ZGRF1: variants seen among roughly 807,000 people sequenced by gnomAD.
ZGRF1 encodes the protein 5'-3' DNA helicase ZGRF1.
Under a neutral mutation model 203.5 loss-of-function variants are expected in ZGRF1, and 196 were observed. The observed-to-expected ratio is 0.96, with a 90% confidence interval of 0.86 to 1.08. The LOEUF is 1.08. Among genes scored for constraint, ZGRF1 ranks in the 50% least tolerant of loss-of-function variants. The pLI, the probability that ZGRF1 is intolerant of heterozygous loss-of-function variation, is 0.00. For synonymous variants in ZGRF1, 809 were observed against 841.3 expected (o/e 0.96, Z 0.66); for missense variants, 2,326 against 2,416.3 (o/e 0.96, Z 0.78).
At chr4:112,565,487 G>A (rs879076256) in intron 16 of ZGRF1, 2 of 653,994 alleles carry the variant, frequency 3.1e-6, no homozygotes, top group Non-Finnish European at 5.2e-6. Flanking sequence ...TGAACGTTAG[G>A]TATTTTTTTT....
At position 112,579,737 on chromosome 4, in the gene ZGRF1, G is replaced by C. The variant is rs1339243825; in HGVS notation, c.4438+1926C>G. Reference sequence around the variant, plus strand: ...CAAGGGACGTGAAGGACCTCTTCAAGGAGAACTACAAACCACTGCTCAATG... The same window carrying C: ...CAAGGGACGTGAAGGACCTCTTCAACGAGAACTACAAACCACTGCTCAATG... On this transcript the variant is annotated intron_variant, in intron 16 of 27. Coordinates refer to ENST00000505019, the MANE Select transcript of ZGRF1 (RefSeq NM_018392.5). 1.7e-5 allele frequency among the ~76,000 whole-genome samples: 2 copies of C among 120,610 alleles called. 1 individual carries two copies. The highest frequency in any genetic ancestry group is 4.9e-4 in the East Asian group (2 of 4,080). The allele number at this position is 120,610 out of a possible 152,430, so 79.1% of individuals were successfully genotyped here. A position where few individuals can be genotyped will look rare whatever the true frequency, so the allele number is the denominator to read the frequency against.
rs201425741 is a variant in ZGRF1, at chr4:112,618,919, C to A, written c.1123G>T (p.Val375Phe). 1.2e-6 allele frequency: 2 copies of A among 1,613,858 alleles called. No homozygotes were observed. The highest frequency in any genetic ancestry group is 1.3e-5 in the African/African-American group (1 of 75,032). Residue 375 changes from valine (V) to phenylalanine (F), a missense_variant, in exon 6 of 28, where the codon GTT becomes TTT. Coordinates refer to ENST00000505019, the MANE Select transcript of ZGRF1 (RefSeq NM_018392.5). ...DLSLQKIIQFVETYAEERKKY... is the reference protein window; with the variant it reads ...DLSLQKIIQFFETYAEERKKY... ...TTCCTCTCTTCAGCATACGTTTCAA[C>A]GAACTGTATAATTTTTTGTAATGAA... is the stretch of plus-strand genomic sequence containing the variant.
At chr4:112,570,769 T>G (rs1744062125) in intron 16 of ZGRF1, among the ~76,000 whole-genome samples, 1 of 151,704 alleles carries the variant, frequency 6.6e-6, no homozygotes, top group Non-Finnish European at 1.5e-5. Context: ...ATGGAAAACT[T>G]AAAACAAACT....
At chr4:112,609,098 G>A (rs1001896300) in intron 8 of ZGRF1, among the ~76,000 whole-genome samples, 16 of 150,750 alleles carry the variant, frequency 1.1e-4, no homozygotes, top group African/African-American at 3.7e-4. Flanking sequence ...CTGTCACCCA[G>A]GCTGGAGTGC....
chr4:112,548,471 G>T (rs1369839292), intron 22 of ZGRF1, 91 bp from the exon 23 acceptor site: 38 of 967,902 alleles, frequency 3.9e-5, no homozygotes, highest in Non-Finnish European at 5.7e-5. Context: ...TAAAATTAGA[G>T]AGTGAGCTAG....
intron 24 of ZGRF1, among the ~76,000 whole-genome samples, chr4:112,544,638 G>A (rs911843857): frequency 6.6e-6 from 1 of 152,174 alleles, no homozygotes; most frequent in Non-Finnish European, 1.5e-5. Flanking sequence ...AGATCTGAGA[G>A]AGTATCTGAC....
At chr4:112,635,369 T>C (rs2047563150) in intron 1 of ZGRF1, among the ~76,000 whole-genome samples, 1 of 151,970 alleles carries the variant, frequency 6.6e-6, no homozygotes, top group African/African-American at 2.4e-5. Context: ...TGCTACCATA[T>C]GCTAGAAACT....
chr4:112,622,791 A>G (rs904521933), intron 4 of ZGRF1, among the ~76,000 whole-genome samples: 12 of 152,278 alleles, frequency 7.9e-5, no homozygotes, highest in Middle Eastern at 6.8e-3. Context: ...GAGGAAAAAC[A>G]CAAACTATGT....
intron 3 of ZGRF1, among the ~76,000 whole-genome samples, chr4:112,630,906 C>T (rs890821469): frequency 7.3e-5 from 11 of 151,112 alleles, no homozygotes; most frequent in Non-Finnish European, 1.2e-4. Flanking sequence ...AAAAAAGAGA[C>T]GCAGTAGAAT....
Position 112,583,997 on chromosome 4 carries a change from C to T in ZGRF1, c.4279G>A (p.Glu1427Lys), listed in dbSNP as rs754829217. 5.6e-6 allele frequency: 9 copies of T among 1,601,592 alleles called. No homozygotes were observed. The Admixed American group carries it at 1.6e-4, about 28-fold the overall frequency. Residue 1427 changes from glutamate to lysine, a missense_variant, in exon 15 of 28, where the codon GAA becomes AAA. Glu to Lys is a moderately conservative substitution (Grantham distance 56). Coordinates refer to ENST00000505019, the MANE Select transcript of ZGRF1 (RefSeq NM_018392.5). ...ACATACCTCACCAAAAGCTGGCATTCCTCATAAAGTGGTATCTTTTGACTT... is the reference window on the plus strand; with the variant it reads ...ACATACCTCACCAAAAGCTGGCATTTCTCATAAAGTGGTATCTTTTGACTT... ...LRSQKIPLYE[E>K]CQLLVRKGFD...
chr4:112,592,439 T>C (rs1748339092), intron 10 of ZGRF1, among the ~76,000 whole-genome samples: 1 of 152,182 alleles, frequency 6.6e-6, no homozygotes, highest in Non-Finnish European at 1.5e-5. Flanking sequence ...TCTTACCCTA[T>C]TTCATTGAAA....
At chr4:112,542,327 T>A (rs925855716) in intron 24 of ZGRF1, among the ~76,000 whole-genome samples, 4 of 152,152 alleles carry the variant, frequency 2.6e-5, no homozygotes, top group African/African-American at 9.7e-5. Context: ...TTATGGTATA[T>A]CTGCACAACA....
chr4:112,628,919 T>A (rs2047321198), intron 3 of ZGRF1: 1 of 377,452 alleles, frequency 2.6e-6, no homozygotes. Context: ...AATGAATTAG[T>A]TTATGTATTT....
intron 22 of ZGRF1, among the ~76,000 whole-genome samples, chr4:112,551,208 T>C (rs573416259): frequency 1.3e-5 from 2 of 152,336 alleles, no homozygotes; most frequent in South Asian, 2.1e-4. Flanking sequence ...ACATGCTGTA[T>C]AGATTTGTAG....
At chr4:112,573,167 T>TGCACAC (rs1553987587) in intron 16 of ZGRF1, among the ~76,000 whole-genome samples, 1 of 145,514 alleles carries the variant, frequency 6.9e-6, no homozygotes, top group Non-Finnish European at 1.5e-5. Flanking sequence ...GAAATTGTGA[T>TGCACAC]ACACACACAC....
chr4:112,635,129 CAA>C (rs34823978), intron 1 of ZGRF1, among the ~76,000 whole-genome samples: 16 of 89,046 alleles, frequency 1.8e-4, no homozygotes, highest in Admixed American at 1.3e-4. Context: ...GACTCCATCT[CAA>C]AAAAAAAAAA....
intron 10 of ZGRF1, among the ~76,000 whole-genome samples, chr4:112,592,772 T>C (rs185126416): frequency 2.5e-4 from 38 of 152,306 alleles, no homozygotes; most frequent in African/African-American, 8.4e-4. Flanking sequence ...CCAAACCTGC[T>C]CCTCCCTGCT....
rs191964866 is a variant in ZGRF1 at position 112,561,962 on chromosome 4, G to A, written c.4697+409C>T. 3.7e-5 allele frequency among the ~76,000 whole-genome samples: 5 copies of A among 133,598 alleles called. No homozygotes were observed. In the East Asian group the frequency reaches 8.8e-4, roughly 24 times the overall value. 87.6% of individuals were successfully genotyped at this position (133,598 alleles called of 152,430 possible). On this transcript the variant is annotated intron_variant, in intron 18 of 27. Coordinates refer to ENST00000505019, the MANE Select transcript of ZGRF1 (RefSeq NM_018392.5). ...TAGAGTTTCACTTGTTGCCCAGGCT[G>A]GGGTGCAATGGCACCCGGCTCACCG...
rs773704228 is a variant in ZGRF1 at position 112,587,569 on chromosome 4, ACT to A, written c.3486_3487del (p.Arg1162SerfsTer2). The stretch of plus-strand genomic sequence containing the variant: ...GAAGCCATCAGTTATTCTCTTATCA[ACT>A]CTGTTTGGAGTAGCCACGTTGCATT... On this transcript the variant is annotated frameshift_variant, in exon 12 of 28. Coordinates refer to ENST00000505019, the MANE Select transcript of ZGRF1 (RefSeq NM_018392.5). LOFTEE classifies it high-confidence loss of function. 35 of 1,613,566 alleles carry A rather than the reference ACT, an allele frequency of 2.2e-5. No homozygotes were observed. Among genetic ancestry groups the A allele is most frequent in the South Asian group, 1.2e-4 (11 of 91,048 alleles).
Sources: gnomAD v4.1 joint callset for allele counts (sites outside exome capture counted in the v4.1 genomes callset) on GRCh38, gnomAD v4.1.1 for gene constraint, MANE v1.5 for transcripts, NCBI Gene and HGNC (gene_info 2026-07-23, HGNC 2026-07-21) for gene names.